Variants in SIK3 observed in about 807,000 individuals in gnomAD.
SIK3 encodes the protein serine/threonine-protein kinase SIK3.
Under a neutral mutation model 144.2 loss-of-function variants are expected in SIK3, and 28 were observed. That is an observed-to-expected ratio of 0.19 (90% CI 0.14 to 0.27). The LOEUF (loss-of-function observed/expected upper bound fraction) is 0.27, where lower values mean the gene tolerates loss of function less well. SIK3 is among the 10% of genes least tolerant of loss of function. SIK3 has a pLI of 1.00. For synonymous variants in SIK3, 686 were observed against 676.3 expected, an observed-to-expected ratio of 1.01 and a Z score of -0.22; for missense variants, 1,319 against 1,776.0, an observed-to-expected ratio of 0.74 and a Z score of 4.62.
At chr11:117,096,651 G>A (rs376491891) in intron 1 of SIK3, among the ~76,000 whole-genome samples, 2 of 152,236 alleles carry the variant, frequency 1.3e-5, no homozygotes, top group African/African-American at 4.8e-5. Flanking sequence ...AGGCTGAAGA[G>A]GGCCCTCCAG....
At chr11:116,996,799 G>A (rs1281325401) in intron 1 of SIK3, among the ~76,000 whole-genome samples, 2 of 126,530 alleles carry the variant, frequency 1.6e-5, no homozygotes, top group Non-Finnish European at 3.1e-5. Flanking sequence ...CAGCCTGGGC[G>A]CCAGAGGGAG....
At chr11:117,051,485 G>T (rs532960143) in intron 1 of SIK3, among the ~76,000 whole-genome samples, 1 of 151,784 alleles carries the variant, frequency 6.6e-6, no homozygotes, top group Non-Finnish European at 1.5e-5. Flanking sequence ...TATATCTATA[G>T]ATATAGATAT....
At chr11:117,074,687 C>T (rs145077898) in intron 1 of SIK3, among the ~76,000 whole-genome samples, 35 of 152,126 alleles carry the variant, frequency 2.3e-4, no homozygotes, top group African/African-American at 7.9e-4. Flanking sequence ...CTTTGGGAGG[C>T]CCAGGCAGGA....
At chr11:116,856,802 A>AG (rs1942962609) in intron 21 of SIK3, 1 of 152,290 alleles carries the variant, frequency 6.6e-6, no homozygotes, top group African/African-American at 2.4e-5. Flanking sequence ...TCTGTGCTGC[A>AG]GGACCGAATT....
intron 1 of SIK3, among the ~76,000 whole-genome samples, chr11:116,989,674 ATTACTGTGAGTAG>A (rs1950436965): frequency 6.6e-6 from 1 of 152,118 alleles, no homozygotes; most frequent in Non-Finnish European, 1.5e-5. Context: ...GTGAGTTCCT[ATTACTGTGAGTAG>A]TTACTGTGAA....
In SIK3 at chr11:117,032,489, GTTTT is replaced by G. The variant is rs574782081; in HGVS notation, c.273+65650_273+65653del. Among the ~76,000 whole-genome samples, 396 of 151,980 alleles carry G rather than the reference GTTTT, an allele frequency of 2.6e-3. 2 individuals carry two copies. Among genetic ancestry groups the G allele is most frequent in the Admixed American group, 0.015 (223 of 15,244 alleles). On this transcript the variant is annotated intron_variant, in intron 1 of 24. Transcript: ENST00000445177. ...ATATATAAAAATGCAATTGATTTTT[GTTTT>G]TTTGTTTTTGTTTTGCCTTGTTTAG... is the stretch of plus-strand genomic sequence containing the variant.
chr11:116,969,107 G>A (rs1024739743), intron 1 of SIK3, among the ~76,000 whole-genome samples: 4 of 151,854 alleles, frequency 2.6e-5, no homozygotes, highest in South Asian at 2.1e-4. Flanking sequence ...TGGCTAACAC[G>A]GTGAAACCTC....
In SIK3 at chr11:117,098,377, G is replaced by A. The variant is rs770851829; in HGVS notation, c.39C>T (p.Ala13=). The A allele has an allele frequency of 4.3e-3, 5,066 of 1,171,096 alleles. 12 individuals are homozygous for A. Among genetic ancestry groups the A allele is most frequent in the Non-Finnish European group, 4.7e-3 (4,496 of 950,612 alleles). The allele number at this position is 1,171,096 out of a possible 1,614,324, so 72.5% of individuals were successfully genotyped here. A position where few individuals can be genotyped will look rare whatever the true frequency, so the allele number is the denominator to read the frequency against. Residue 13 remains alanine, a synonymous_variant, in exon 1 of 25, where the codon GCC becomes GCT. Coordinates refer to ENST00000445177, the MANE Select transcript of SIK3 (RefSeq NM_001366686.3). The part of the protein sequence containing the change: ...AAAASGAGGA[A]GAGTGGAGPA... ...GCCCGGCTCCCCCAGTCCCGGCCCC[G>A]GCAGCCCCGCCAGCTCCGCTCGCCG...
intron 1 of SIK3, among the ~76,000 whole-genome samples, chr11:117,061,083 AT>A (rs1465082726): frequency 6.6e-6 from 1 of 152,046 alleles, no homozygotes; most frequent in African/African-American, 2.4e-5. Flanking sequence ...CCTCGTCTCT[AT>A]CAAAAATTAA....
intron 1 of SIK3, among the ~76,000 whole-genome samples, chr11:116,981,823 G>A (rs1168645962): frequency 6.6e-6 from 1 of 152,074 alleles, no homozygotes; most frequent in African/African-American, 2.4e-5. Context: ...CACTAGCCTG[G>A]GCAACATAGC....
chr11:116,913,411 T>C (rs1014378501), intron 4 of SIK3, among the ~76,000 whole-genome samples: 3 of 152,170 alleles, frequency 2.0e-5, no homozygotes, highest in Admixed American at 6.5e-5. Context: ...GCAGGTACAA[T>C]AGCTGAACTC....
In SIK3 at chr11:117,028,188, G is replaced by GT. The variant is rs561891550; in HGVS notation, c.273+69954dup. On this transcript the variant is annotated intron_variant, in intron 1 of 24. Transcript: ENST00000445177. ...ATTATATCAACACTAAGAAATGACG[G>GT]TAGGACTCAAACTCAATTCCTATGA... 4.1e-3 allele frequency among the ~76,000 whole-genome samples: 623 copies of GT among 152,232 alleles called. 3 individuals are homozygous for GT. The highest frequency in any genetic ancestry group is 7.0e-3 in the Non-Finnish European group (477 of 68,022).
chr11:117,023,403 T>TA (rs1346221655), intron 1 of SIK3, among the ~76,000 whole-genome samples: 1 of 143,182 alleles, frequency 7.0e-6, no homozygotes, highest in Non-Finnish European at 1.5e-5. Context: ...AGTATGTCAA[T>TA]ACACCTGATG....
In SIK3 at chr11:116,923,525, T is replaced by C. The variant is rs528850803; in HGVS notation, c.616+3694A>G. Among the ~76,000 whole-genome samples the C allele has an allele frequency of 9.2e-5, 14 of 152,352 alleles. No individual in the cohort carries two copies. The East Asian group carries it at 2.7e-3, about 29-fold the overall frequency. ...AAAAAGAACTGGGAGGTGAGAATGATAATTCTATTTAATTTATGTGCAAGA... is the reference window on the plus strand; with the variant it reads ...AAAAAGAACTGGGAGGTGAGAATGACAATTCTATTTAATTTATGTGCAAGA... On this transcript the variant is annotated intron_variant, in intron 4 of 24. Transcript: ENST00000445177.
At chr11:117,092,927 C>A (rs1214399909) in intron 1 of SIK3, among the ~76,000 whole-genome samples, 2 of 152,124 alleles carry the variant, frequency 1.3e-5, no homozygotes, top group African/African-American at 2.4e-5. Flanking sequence ...GGAGCTGGCA[C>A]CAAAGTCAAA....
chr11:116,856,095 G>A (rs973745936), intron 21 of SIK3, among the ~76,000 whole-genome samples: 3 of 151,834 alleles, frequency 2.0e-5, no homozygotes, highest in African/African-American at 7.3e-5. Flanking sequence ...TACTCGGGAG[G>A]CTGAGGCAGG....
intron 3 of SIK3, among the ~76,000 whole-genome samples, chr11:116,927,581 AATCCTGTTATAC>A (rs1195025399): frequency 2.0e-5 from 3 of 152,238 alleles, no homozygotes; most frequent in Non-Finnish European, 4.4e-5. Context: ...TTTAAGTATA[AATCCTGTTATAC>A]AAAAGTATGC....
At chr11:117,007,033 T>C (rs192653497) in intron 1 of SIK3, among the ~76,000 whole-genome samples, 33 of 152,326 alleles carry the variant, frequency 2.2e-4, no homozygotes, top group African/African-American at 7.5e-4. Flanking sequence ...TACTATCCCA[T>C]GGTGTTCCCT....
chr11:117,079,978 G>A (rs1236651688), intron 1 of SIK3, among the ~76,000 whole-genome samples: 1 of 152,020 alleles, frequency 6.6e-6, no homozygotes, highest in Admixed American at 6.6e-5. Context: ...AGGTTTCAGA[G>A]AGCCAAGATT....
Sources: allele counts gnomAD v4.1 joint callset (sites outside exome capture counted in the v4.1 genomes callset), GRCh38; gene constraint gnomAD v4.1.1; transcripts MANE v1.5; gene names NCBI Gene and HGNC (gene_info 2026-07-23, HGNC 2026-07-21).